SYTL4: variants seen among roughly 807,000 people sequenced by gnomAD.
The protein encoded by SYTL4 is synaptotagmin-like protein 4.
In SYTL4, 16 loss-of-function variants were observed where a neutral mutation model predicts 52.7. The observed-to-expected ratio is 0.30, with a 90% CI of 0.21 to 0.46. The LOEUF is 0.46. Ranked by LOEUF, SYTL4 falls within the 20% of genes least tolerant of loss-of-function variation. SYTL4 has a pLI of 1.00. For missense variants in SYTL4, 423 were observed against 519.9 expected, an observed-to-expected ratio of 0.81 and a Z score of 1.81; for synonymous variants, 160 against 186.6, an observed-to-expected ratio of 0.86 and a Z score of 1.16.
intron 2 of SYTL4, among the ~76,000 whole-genome samples, chrX:100,723,965 T>TG (rs1347633981): frequency 2.4e-4 from 13 of 53,691 alleles, no homozygotes; most frequent in South Asian, 1.1e-3. Flanking sequence ...GGGAGGGAGG[T>TG]GGGGGGGTCA....
chrX:100,711,043 T>C (rs967440755), intron 2 of SYTL4, among the ~76,000 whole-genome samples: 1 of 111,812 alleles, frequency 8.9e-6, no homozygotes, highest in Non-Finnish European at 1.9e-5. Context: ...GCCAGCCAAA[T>C]TGGAAAACGT....
intron 16 of SYTL4, among the ~76,000 whole-genome samples, chrX:100,682,727 A>T (rs938814826): frequency 9.0e-6 from 1 of 111,471 alleles, no homozygotes; most frequent in Non-Finnish European, 1.9e-5. Context: ...AAAAGAAAAA[A>T]GGAGGGCTTG....
At chrX:100,723,921 G>C (rs1479400921) in intron 2 of SYTL4, among the ~76,000 whole-genome samples, 1 of 104,932 alleles carries the variant, frequency 9.5e-6, no homozygotes, top group Non-Finnish European at 2.0e-5. Flanking sequence ...AGGGAGGTGG[G>C]GGGTCAGCCC....
chrX:100,715,583 C>G (rs758917197), intron 2 of SYTL4, among the ~76,000 whole-genome samples: 2 of 111,319 alleles, frequency 1.8e-5, no homozygotes, highest in Non-Finnish European at 3.8e-5. Flanking sequence ...TGCTCTTATG[C>G]AAGTAGTACA....
rs1339792165 is a variant in SYTL4, at chrX:100,701,928, C to T, written c.110G>A (p.Arg37Lys). ...EVRKADEKRI[R>K]RLKNELLEIK... ...CCCATGCGTTTTGGGGAACTCTTAC[C>T]TAATCCTTTTCTCATCTGCTTTCCG... Residue 37 changes from arginine to lysine, a missense_variant and splice_region_variant, in exon 5 of 20, where the codon AGG becomes AAG. Physicochemically the swap from Arg to Lys is conservative, Grantham distance 26. Transcript: ENST00000372989. 2 of 1,199,945 alleles carry T rather than the reference C, an allele frequency of 1.7e-6. No homozygotes were observed. Among genetic ancestry groups the T allele is most frequent in the Admixed American group, 4.4e-5 (2 of 45,566 alleles).
At chrX:100,729,480 G>A (rs1471829143) in intron 2 of SYTL4, among the ~76,000 whole-genome samples, 2 of 110,854 alleles carry the variant, frequency 1.8e-5, no homozygotes, top group African/African-American at 3.3e-5. Flanking sequence ...GGGTGGTCAG[G>A]GCAAATTCCT....
chrX:100,727,527 C>T lies in SYTL4; in HGVS notation c.-240+3891G>A, dbSNP rs151234646. On this transcript the variant is annotated intron_variant, in intron 2 of 19. Coordinates refer to ENST00000372989, the MANE Select transcript of SYTL4 (RefSeq NM_001370165.1). ...CCTCTTAGATGTCACTCTGGTGATG[C>T]CTATTTAAATTGTTTAATGTATATG... 1.7e-4 allele frequency among the ~76,000 whole-genome samples: 19 copies of T among 112,736 alleles called. No individual in the cohort carries two copies. The East Asian group carries it at 3.3e-3, about 20-fold the overall frequency.
intron 2 of SYTL4, among the ~76,000 whole-genome samples, chrX:100,707,045 G>C (rs1445549263): frequency 9.0e-6 from 1 of 111,089 alleles, no homozygotes; most frequent in Non-Finnish European, 1.9e-5. Flanking sequence ...ATTATGAATG[G>C]TACAAGCAGA....
At chrX:100,695,209 G>A (rs888966087) in intron 8 of SYTL4, among the ~76,000 whole-genome samples, 5 of 111,470 alleles carry the variant, frequency 4.5e-5, no homozygotes, top group African/African-American at 1.6e-4. Context: ...AATAGACTAA[G>A]AGATGGGAGC....
chrX:100,723,826 AG>A (rs2084410597), intron 2 of SYTL4, among the ~76,000 whole-genome samples: 1 of 106,395 alleles, frequency 9.4e-6, no homozygotes, highest in African/African-American at 3.5e-5. Flanking sequence ...CCGTCTGGGA[AG>A]TGAGGAGCGT....
At chrX:100,699,774 G>A (rs749483795) in intron 8 of SYTL4, among the ~76,000 whole-genome samples, 11 of 107,889 alleles carry the variant, frequency 1.0e-4, no homozygotes, top group Non-Finnish European at 1.5e-4. Context: ...GATTACAGGC[G>A]TGAGCCACTG....
At chrX:100,715,243 G>C (rs1324678552) in intron 2 of SYTL4, among the ~76,000 whole-genome samples, 2 of 111,424 alleles carry the variant, frequency 1.8e-5, no homozygotes, top group Non-Finnish European at 3.8e-5. Context: ...GGCTGGTCTC[G>C]AACTCTTAGA....
intron 16 of SYTL4, among the ~76,000 whole-genome samples, chrX:100,682,604 G>A (rs2083395916): frequency 9.1e-6 from 1 of 110,226 alleles, no homozygotes; most frequent in Non-Finnish European, 1.9e-5. Context: ...CTACTTGGGA[G>A]GCTGAGGCAT....
chrX:100,679,442 G>A (rs2083335187), intron 17 of SYTL4, 30 bp from the exon 18 acceptor site: 1 of 1,083,466 alleles, frequency 9.2e-7, no homozygotes, highest in South Asian at 1.9e-5. Flanking sequence ...TAGCAAGTGA[G>A]CCCCTTCCAC....
chrX:100,714,193 A>C (rs756870827), intron 2 of SYTL4, among the ~76,000 whole-genome samples: 1 of 111,805 alleles, frequency 8.9e-6, no homozygotes, highest in African/African-American at 3.3e-5. Context: ...CATGTTTTCC[A>C]ATCCCAGAAT....
Position 100,685,986 on chromosome X carries a change from C to T in SYTL4, c.1449+4G>A. ...AAACTGCAGGAGTTGTTAAAGCAGACTACCTTTCCATGTAAAGGGAGGCAA... is the reference window on the plus strand; with the variant it reads ...AAACTGCAGGAGTTGTTAAAGCAGATTACCTTTCCATGTAAAGGGAGGCAA... On this transcript the variant is annotated splice_donor_region_variant and intron_variant, in intron 16 of 19. Transcript: ENST00000372989. 1 of 1,194,900 alleles carries T rather than the reference C, an allele frequency of 8.4e-7. No homozygotes were observed.
chrX:100,713,264 T>C (rs2084112799), intron 2 of SYTL4, among the ~76,000 whole-genome samples: 1 of 111,439 alleles, frequency 9.0e-6, no homozygotes, highest in Admixed American at 9.5e-5. Flanking sequence ...ATCAACATGG[T>C]GAAACCCCGT....
intron 8 of SYTL4, among the ~76,000 whole-genome samples, chrX:100,700,518 C>T (rs1419853731): frequency 8.9e-6 from 1 of 111,778 alleles, no homozygotes; most frequent in East Asian, 2.8e-4. Flanking sequence ...TATGTATATA[C>T]ATAGAAGATA....
chrX:100,698,498 A>G (rs1394823771), intron 8 of SYTL4, among the ~76,000 whole-genome samples: 2 of 111,824 alleles, frequency 1.8e-5, no homozygotes, highest in African/African-American at 6.5e-5. Flanking sequence ...TCTCTCATCC[A>G]TAAGAAAGAA....
Sources: allele counts gnomAD v4.1 joint callset (sites outside exome capture counted in the v4.1 genomes callset), GRCh38; gene constraint gnomAD v4.1.1; transcripts MANE v1.5; gene names NCBI Gene and HGNC (gene_info 2026-07-23, HGNC 2026-07-21).